The following KCNH8 variants were observed in gnomAD, a reference collection of about 807,000 sequenced individuals.
The protein encoded by KCNH8 is potassium voltage-gated channel subfamily H member 8.
In KCNH8, 70 loss-of-function variants were observed where a neutral mutation model predicts 103.6. The ratio of observed to expected loss-of-function variants is 0.68; its 90% confidence interval spans 0.56 to 0.82. KCNH8 has a LOEUF of 0.82. KCNH8 is among the 40% of genes least tolerant of loss of function. KCNH8 has a pLI of 0.00. For synonymous variants in KCNH8, 498 were observed against 489.4 expected (o/e 1.02, Z -0.23); for missense variants, 1,217 against 1,329.9 (o/e 0.92, Z 1.32).
chr3:19,444,354 T>C (rs953882289), intron 8 of KCNH8, among the ~76,000 whole-genome samples: 2 of 151,914 alleles, frequency 1.3e-5, no homozygotes, highest in East Asian at 3.8e-4. Flanking sequence ...AAAAATTAAT[T>C]CCAGGTGGAT....
At chr3:19,411,530 A>G (rs1030540420) in intron 7 of KCNH8, among the ~76,000 whole-genome samples, 2 of 152,084 alleles carry the variant, frequency 1.3e-5, no homozygotes, top group Admixed American at 6.6e-5. Context: ...CAGTCGAGAG[A>G]AAGAAATAAG....
intron 11 of KCNH8, among the ~76,000 whole-genome samples, chr3:19,508,956 G>T (rs1480164241): frequency 6.6e-6 from 1 of 152,166 alleles, no homozygotes; most frequent in African/African-American, 2.4e-5. Context: ...GAGGTGTTCA[G>T]CCTTCCTGAA....
chr3:19,212,828 G>A (rs2063783824), intron 1 of KCNH8, among the ~76,000 whole-genome samples: 2 of 152,114 alleles, frequency 1.3e-5, no homozygotes, highest in South Asian at 4.1e-4. Context: ...TTTTTCTGTA[G>A]CTGGGTTTTG....
At chr3:19,404,252 C>G (rs1403376449) in intron 7 of KCNH8, among the ~76,000 whole-genome samples, 2 of 151,922 alleles carry the variant, frequency 1.3e-5, no homozygotes, top group Non-Finnish European at 2.9e-5. Flanking sequence ...GCTTACAGCT[C>G]TTGTTGGATA....
intron 1 of KCNH8, among the ~76,000 whole-genome samples, chr3:19,151,985 C>T (rs575788859): frequency 6.6e-6 from 1 of 152,040 alleles, no homozygotes; most frequent in Non-Finnish European, 1.5e-5. Flanking sequence ...ACGTATACCC[C>T]ACTTAGGGGG....
In KCNH8 at chr3:19,534,489, A is replaced by G. The variant is rs946544425; in HGVS notation, c.*390A>G. On this transcript the variant is annotated 3_prime_UTR_variant, in exon 16 of 16. Transcript: ENST00000328405. ...TGATTGTTATTCCTGAACAATATCC[A>G]TAGCACTGTTGGCCTCAGGAGTGCA... is the stretch of plus-strand genomic sequence containing the variant. The G allele has an allele frequency of 4.5e-5, 9 of 201,394 alleles. No homozygotes were observed. The highest frequency in any genetic ancestry group is 2.2e-3 in the Middle Eastern group (1 of 462). 12.5% of individuals were successfully genotyped at this position (201,394 alleles called of 1,614,324 possible). A position where few individuals can be genotyped will look rare whatever the true frequency, so the allele number is the denominator to read the frequency against.
At chr3:19,235,949 T>C (rs1230074307) in intron 1 of KCNH8, among the ~76,000 whole-genome samples, 1 of 152,234 alleles carries the variant, frequency 6.6e-6, no homozygotes, top group Non-Finnish European at 1.5e-5. Flanking sequence ...GATTTCAACA[T>C]AGGGCCTTGT....
chr3:19,479,381 T>C (rs1056624252), intron 11 of KCNH8, among the ~76,000 whole-genome samples: 1 of 152,188 alleles, frequency 6.6e-6, no homozygotes, highest in African/African-American at 2.4e-5. Flanking sequence ...TAAAATATCA[T>C]CAGTTCTTTC....
intron 1 of KCNH8, among the ~76,000 whole-genome samples, chr3:19,165,569 C>T (rs1246272579): frequency 2.0e-5 from 3 of 152,110 alleles, no homozygotes; most frequent in Non-Finnish European, 4.4e-5. Flanking sequence ...TAAAAACAGC[C>T]TTTTGGGTAC....
chr3:19,349,449 A>G (rs2065770875), intron 5 of KCNH8, among the ~76,000 whole-genome samples: 1 of 152,086 alleles, frequency 6.6e-6, no homozygotes, highest in African/African-American at 2.4e-5. Context: ...CAGTCACTCA[A>G]CATGGCTAAG....
intron 1 of KCNH8, among the ~76,000 whole-genome samples, chr3:19,174,072 C>A (rs2063374726): frequency 6.6e-6 from 1 of 151,666 alleles, no homozygotes; most frequent in Non-Finnish European, 1.5e-5. Flanking sequence ...CCACTCTACA[C>A]CGCTTGATTC....
chr3:19,356,623 T>G (rs1164684594), intron 5 of KCNH8, among the ~76,000 whole-genome samples: 1 of 151,986 alleles, frequency 6.6e-6, no homozygotes, highest in African/African-American at 2.4e-5. Flanking sequence ...ATTCAAAGCC[T>G]TATAGAAACT....
At chr3:19,263,766 TAAG>T (rs148454394) in intron 2 of KCNH8, among the ~76,000 whole-genome samples, 1,538 of 152,220 alleles carry the variant, frequency 0.01, 29 homozygotes, top group African/African-American at 0.035. Flanking sequence ...TACCTCTTGA[TAAG>T]AAGAGTGTCA....
chr3:19,494,866 T>TG (rs1173784953), intron 11 of KCNH8, among the ~76,000 whole-genome samples: 2 of 152,144 alleles, frequency 1.3e-5, no homozygotes, highest in East Asian at 1.9e-4. Flanking sequence ...TAGCATTTAT[T>TG]TTTCAACTTT....
At chr3:19,257,318 A>G (rs947348648) in intron 2 of KCNH8, among the ~76,000 whole-genome samples, 1 of 152,028 alleles carries the variant, frequency 6.6e-6, no homozygotes, top group Non-Finnish European at 1.5e-5. Flanking sequence ...GGAAAAAGCT[A>G]TCCAACACAA....
intron 1 of KCNH8, among the ~76,000 whole-genome samples, chr3:19,206,618 C>A (rs1173972563): frequency 6.6e-6 from 1 of 151,882 alleles, no homozygotes; most frequent in Admixed American, 6.6e-5. Context: ...GGGGTGTTAT[C>A]CTGTACCTTA....
intron 5 of KCNH8, among the ~76,000 whole-genome samples, chr3:19,368,349 G>T (rs1352055999): frequency 6.6e-6 from 1 of 151,954 alleles, no homozygotes; most frequent in African/African-American, 2.4e-5. Flanking sequence ...AGATATCTGT[G>T]GTGTATTTTG....
At chr3:19,448,465 A>T (rs2067395204) in intron 8 of KCNH8, among the ~76,000 whole-genome samples, 1 of 152,064 alleles carries the variant, frequency 6.6e-6, no homozygotes, top group Non-Finnish European at 1.5e-5. Flanking sequence ...AGTGACCATT[A>T]TTCCATAGAG....
At chr3:19,182,283 C>T (rs1048174984) in intron 1 of KCNH8, among the ~76,000 whole-genome samples, 2 of 151,896 alleles carry the variant, frequency 1.3e-5, no homozygotes, top group African/African-American at 2.4e-5. Context: ...AATCCCAGCA[C>T]TTTCGGAGGC....
Sources: gnomAD v4.1 joint callset for allele counts (sites outside exome capture counted in the v4.1 genomes callset) on GRCh38, gnomAD v4.1.1 for gene constraint, MANE v1.5 for transcripts, NCBI Gene and HGNC (gene_info 2026-07-23, HGNC 2026-07-21) for gene names.